The following EXOC4 variants were observed in gnomAD, a reference collection of about 807,000 sequenced individuals.
EXOC4 encodes the protein exocyst complex component 4.
Under a neutral mutation model 107.2 loss-of-function variants are expected in EXOC4, and 71 were observed. The ratio of observed to expected loss-of-function variants is 0.66; its 90% CI spans 0.55 to 0.81. The LOEUF is 0.81. Ranked by LOEUF, EXOC4 falls within the 30% of genes least tolerant of loss-of-function variation. EXOC4 has a pLI of 0.00. For missense variants in EXOC4, 1,108 were observed against 1,189.6 expected (o/e 0.93, Z 1.01); for synonymous variants, 456 against 441.2 (o/e 1.03, Z -0.42).
At chr7:133,862,908 T>C (rs76745402) in intron 11 of EXOC4, among the ~76,000 whole-genome samples, 5,871 of 152,272 alleles carry the variant, frequency 0.039, 411 homozygotes, top group African/African-American at 0.13. Context: ...ACATCTAAAG[T>C]ATAGTTATCA....
intron 14 of EXOC4, among the ~76,000 whole-genome samples, chr7:133,950,811 A>C (rs548506413): frequency 1.3e-5 from 2 of 152,336 alleles, no homozygotes; most frequent in South Asian, 4.1e-4. Context: ...ATATTTGCTC[A>C]AACTTTACCC....
At chr7:133,937,748 C>T (rs1038383164) in intron 13 of EXOC4, 143 bp from the exon 14 acceptor site, 1 of 743,520 alleles carries the variant, frequency 1.3e-6, no homozygotes, top group Non-Finnish European at 2.2e-6. Context: ...ATAGTTGTCT[C>T]ACAAAGTTAA....
chr7:133,347,949 A>T (rs927071820), intron 5 of EXOC4, among the ~76,000 whole-genome samples: 1 of 152,212 alleles, frequency 6.6e-6, no homozygotes, highest in Non-Finnish European at 1.5e-5. Context: ...GAAGTTAAGT[A>T]TTTCTAATTT....
chr7:134,074,448 C>G, the EXOC4 span, among the ~76,000 whole-genome samples: 1 of 151,878 alleles, frequency 6.6e-6, no homozygotes, highest in East Asian at 1.9e-4. Context: ...AATCTTTTAT[C>G]CTAATTTTGG....
At chr7:133,540,876 A>C (rs901998521) in intron 9 of EXOC4, among the ~76,000 whole-genome samples, 5 of 152,194 alleles carry the variant, frequency 3.3e-5, no homozygotes, top group African/African-American at 1.2e-4. Flanking sequence ...TTTTGTTTTG[A>C]AATTTGGAAT....
chr7:133,514,921 T>A (rs142910109), intron 9 of EXOC4, among the ~76,000 whole-genome samples: 2 of 152,174 alleles, frequency 1.3e-5, no homozygotes, highest in Non-Finnish European at 2.9e-5. Flanking sequence ...ATCTGATGCA[T>A]TAGACTAAGG....
intron 2 of EXOC4, among the ~76,000 whole-genome samples, chr7:133,276,074 T>A (rs189722422): frequency 6.6e-6 from 1 of 152,258 alleles, no homozygotes; most frequent in Admixed American, 6.5e-5. Flanking sequence ...TTATTTGTTA[T>A]TTTTCTCTCT....
At chr7:133,481,899 T>G (rs2150862271) in intron 9 of EXOC4, among the ~76,000 whole-genome samples, 1 of 152,284 alleles carries the variant, frequency 6.6e-6, no homozygotes, top group South Asian at 2.1e-4. Flanking sequence ...GAGAAGAGGC[T>G]AGGCTGCCAA....
At chr7:133,862,339 A>T (rs1798551446) in intron 11 of EXOC4, among the ~76,000 whole-genome samples, 1 of 152,010 alleles carries the variant, frequency 6.6e-6, no homozygotes, top group South Asian at 2.1e-4. Context: ...ATACAAAAAA[A>T]TTAGCCAAGG....
chr7:133,500,462 T>G (rs1239301066), intron 9 of EXOC4, among the ~76,000 whole-genome samples: 1 of 152,240 alleles, frequency 6.6e-6, no homozygotes, highest in East Asian at 1.9e-4. Flanking sequence ...AGTGTTGCAT[T>G]CTTCAGTAGT....
intron 17 of EXOC4, among the ~76,000 whole-genome samples, chr7:134,028,027 C>T (rs1404957973): frequency 2.0e-5 from 3 of 152,178 alleles, no homozygotes; most frequent in Non-Finnish European, 2.9e-5. Context: ...TTCACATTCT[C>T]CCTGGGAAGA....
intron 10 of EXOC4, among the ~76,000 whole-genome samples, chr7:133,651,534 G>A (rs938825213): frequency 1.3e-5 from 2 of 152,076 alleles, no homozygotes; most frequent in Non-Finnish European, 1.5e-5. Context: ...CTTATGATAC[G>A]GATAAGTGCT....
At position 133,284,011 on chromosome 7, in the gene EXOC4, A is replaced by G. The variant is rs559069886; in HGVS notation, c.277-4911A>G. Among the ~76,000 whole-genome samples, 4 of 152,288 alleles carry G rather than the reference A, an allele frequency of 2.6e-5. No homozygotes were observed. In the South Asian group the frequency reaches 8.3e-4, roughly 32 times the overall value. Reference sequence around the variant, plus strand: ...AGCAGAAGGCTCAGGGCAATTTAGTATTAAAAGTTCCTGTAGTTTCTTTGG... The same window carrying G: ...AGCAGAAGGCTCAGGGCAATTTAGTGTTAAAAGTTCCTGTAGTTTCTTTGG... On this transcript the variant is annotated intron_variant, in intron 2 of 17. Transcript: ENST00000253861.
intron 11 of EXOC4, among the ~76,000 whole-genome samples, chr7:133,871,057 C>T (rs1429154508): frequency 6.6e-6 from 1 of 152,164 alleles, no homozygotes; most frequent in Admixed American, 6.5e-5. Flanking sequence ...TATTAAAAAG[C>T]AAATTCTGTA....
chr7:134,048,884 C>T (rs1795719556), intron 17 of EXOC4, among the ~76,000 whole-genome samples: 1 of 152,120 alleles, frequency 6.6e-6, no homozygotes. Context: ...AAAAAAATAG[C>T]CAAGTTGCCC....
chr7:133,839,827 T>C (rs1172857570), intron 11 of EXOC4, among the ~76,000 whole-genome samples: 3 of 152,214 alleles, frequency 2.0e-5, no homozygotes, highest in South Asian at 2.1e-4. Flanking sequence ...TAACAGTTCA[T>C]GCACTTATTT....
chr7:133,805,816 TTTTA>T (rs1391935126), intron 10 of EXOC4, among the ~76,000 whole-genome samples: 4 of 152,158 alleles, frequency 2.6e-5, no homozygotes, highest in Admixed American at 1.3e-4. Context: ...TAGTCATATA[TTTTA>T]TAAGTTGAAG....
At chr7:133,797,555 T>A (rs1796843009) in intron 10 of EXOC4, among the ~76,000 whole-genome samples, 1 of 152,178 alleles carries the variant, frequency 6.6e-6, no homozygotes, top group Non-Finnish European at 1.5e-5. Context: ...GGGAACACAA[T>A]GCATGGGCTA....
chr7:133,797,922 A>G (rs754620296), intron 10 of EXOC4, among the ~76,000 whole-genome samples: 28 of 152,212 alleles, frequency 1.8e-4, no homozygotes, highest in Admixed American at 8.5e-4. Flanking sequence ...AACAAAGTCA[A>G]TGCTTGTGGT....
Sources: allele counts gnomAD v4.1 joint callset (sites outside exome capture counted in the v4.1 genomes callset), GRCh38; gene constraint gnomAD v4.1.1; transcripts MANE v1.5; gene names NCBI Gene and HGNC (gene_info 2026-07-23, HGNC 2026-07-21).